The following LIN52 variants were observed in gnomAD, a reference collection of about 807,000 sequenced individuals.
The protein encoded by LIN52 is protein lin-52 homolog.
A neutral mutation model predicts 18.5 loss-of-function variants in LIN52; 4 were observed. The ratio of observed to expected loss-of-function variants is 0.22; its 90% CI spans 0.11 to 0.49. LIN52 has a LOEUF of 0.49. Among genes scored for constraint, LIN52 ranks in the 20% least tolerant of loss-of-function variants. The pLI, the probability that LIN52 is intolerant of heterozygous loss-of-function variation, is 0.97. For missense variants in LIN52, 102 were observed against 139.5 expected, an observed-to-expected ratio of 0.73 and a Z score of 1.35; for synonymous variants, 34 against 45.5, an observed-to-expected ratio of 0.75 and a Z score of 1.02.
chr14:74,156,611 C>T (rs2139560752), intron 5 of LIN52, among the ~76,000 whole-genome samples: 1 of 152,204 alleles, frequency 6.6e-6, no homozygotes, highest in Non-Finnish European at 1.5e-5. Context: ...ACTAGTATAT[C>T]CATCACCTCA....
chr14:74,169,831 A>T (rs2061263367), intron 5 of LIN52, among the ~76,000 whole-genome samples: 2 of 152,198 alleles, frequency 1.3e-5, no homozygotes, highest in Non-Finnish European at 2.9e-5. Context: ...TTATCCAGTG[A>T]GGGACAGTCA....
chr14:74,101,712 G>A (rs943888882), intron 5 of LIN52, among the ~76,000 whole-genome samples: 1 of 151,966 alleles, frequency 6.6e-6, no homozygotes, highest in African/African-American at 2.4e-5. Context: ...CGCCCGCCTC[G>A]GCCTCCCAAA....
intron 5 of LIN52, among the ~76,000 whole-genome samples, chr14:74,167,433 C>T (rs951556058): frequency 6.6e-5 from 10 of 151,894 alleles, no homozygotes; most frequent in Non-Finnish European, 8.8e-5. Flanking sequence ...ATTCAGGGGA[C>T]GGGTGTTTAT....
intron 5 of LIN52, among the ~76,000 whole-genome samples, chr14:74,128,192 G>C (rs1264434923): frequency 6.6e-6 from 1 of 152,214 alleles, no homozygotes; most frequent in Non-Finnish European, 1.5e-5. Context: ...TTTCCAGGCT[G>C]TGGTGCAGGG....
intron 5 of LIN52, among the ~76,000 whole-genome samples, chr14:74,191,727 G>A (rs66800552): frequency 0.051 from 7,768 of 151,108 alleles, 241 homozygotes; most frequent in Non-Finnish European, 0.063. Flanking sequence ...TCCGCCTCCC[G>A]GGTTCACGCC....
chr14:74,183,160 C>T (rs978521856), intron 5 of LIN52, among the ~76,000 whole-genome samples: 2 of 150,794 alleles, frequency 1.3e-5, no homozygotes, highest in Admixed American at 6.6e-5. Flanking sequence ...TGCAGTGACG[C>T]GATCTCAGCT....
chr14:74,180,862 A>G (rs1161091107), intron 5 of LIN52, among the ~76,000 whole-genome samples: 1 of 152,106 alleles, frequency 6.6e-6, no homozygotes, highest in East Asian at 1.9e-4. Context: ...TAATATCGGT[A>G]CTTTGGGAGG....
chr14:74,114,464 G>A, intron 5 of LIN52: 1 of 983,338 alleles, frequency 1.0e-6, no homozygotes, highest in Non-Finnish European at 1.2e-6. Flanking sequence ...AGATTTTTCA[G>A]ATTTGGAATT....
At chr14:74,097,593 T>C (rs188230529) in intron 3 of LIN52, among the ~76,000 whole-genome samples, 37 of 152,096 alleles carry the variant, frequency 2.4e-4, no homozygotes, top group African/African-American at 8.7e-4. Flanking sequence ...CCATCACGCC[T>C]GGCTAATTTT....
At chr14:74,142,485 TG>T (rs2061135605) in intron 5 of LIN52, among the ~76,000 whole-genome samples, 1 of 152,162 alleles carries the variant, frequency 6.6e-6, no homozygotes, top group African/African-American at 2.4e-5. Context: ...GGGGCTGTTC[TG>T]GGCTATTGGA....
intron 5 of LIN52, among the ~76,000 whole-genome samples, chr14:74,141,650 A>G (rs1200766470): frequency 6.6e-6 from 1 of 152,186 alleles, no homozygotes; most frequent in East Asian, 1.9e-4. Flanking sequence ...GGGGGGAGGT[A>G]GTGTGAGTCT....
At chr14:74,177,880 C>A (rs1169944792) in intron 5 of LIN52, among the ~76,000 whole-genome samples, 3 of 152,118 alleles carry the variant, frequency 2.0e-5, no homozygotes, top group African/African-American at 7.2e-5. Context: ...TGCGCTCAAG[C>A]AATTCTCCTG....
intron 2 of LIN52, 136 bp from the exon 3 acceptor site, chr14:74,095,812 G>T: frequency 1.7e-6 from 1 of 584,474 alleles, no homozygotes; most frequent in Non-Finnish European, 2.9e-6. Context: ...CTGAAACAGT[G>T]TTATAGTTAT....
At chr14:74,095,248 C>T (rs1281283200) in intron 2 of LIN52, among the ~76,000 whole-genome samples, 1 of 149,334 alleles carries the variant, frequency 6.7e-6, no homozygotes, top group Non-Finnish European at 1.5e-5. Flanking sequence ...ACTTCCCGGG[C>T]TCAAGCCTTC....
At chr14:74,122,576 T>A (rs1346590970) in intron 5 of LIN52, among the ~76,000 whole-genome samples, 1 of 152,122 alleles carries the variant, frequency 6.6e-6, no homozygotes, top group African/African-American at 2.4e-5. Context: ...TACAAATAAT[T>A]TTTACCTGTC....
intron 5 of LIN52, among the ~76,000 whole-genome samples, chr14:74,169,102 ACT>A (rs958666031): frequency 1.3e-5 from 2 of 151,636 alleles, no homozygotes; most frequent in African/African-American, 4.9e-5. Flanking sequence ...AAATTTGGAA[ACT>A]CTTTTTTGGG....
intron 5 of LIN52, among the ~76,000 whole-genome samples, chr14:74,134,635 C>T (rs1002114029): frequency 1.3e-5 from 2 of 150,560 alleles, no homozygotes; most frequent in African/African-American, 4.8e-5. Context: ...TGGCCCCCCT[C>T]CCCCATTTTC....
intron 5 of LIN52, among the ~76,000 whole-genome samples, chr14:74,171,974 T>A (rs888041671): frequency 6.6e-6 from 1 of 152,140 alleles, no homozygotes; most frequent in African/African-American, 2.4e-5. Context: ...TGACCTCAGA[T>A]GATCTGCCCA....
chr14:74,141,683 A>G (rs2061132134), intron 5 of LIN52, among the ~76,000 whole-genome samples: 1 of 152,242 alleles, frequency 6.6e-6, no homozygotes, highest in Non-Finnish European at 1.5e-5. Flanking sequence ...TTAGCCGGAC[A>G]TATGTGTAGT....
Sources: gnomAD v4.1 joint callset for allele counts (sites outside exome capture counted in the v4.1 genomes callset) on GRCh38, gnomAD v4.1.1 for gene constraint, MANE v1.5 for transcripts, NCBI Gene and HGNC (gene_info 2026-07-23, HGNC 2026-07-21) for gene names.